The following MEMO1 variants were observed in gnomAD, a reference collection of about 807,000 sequenced individuals.
MEMO1 encodes the protein mediator of cell motility 1.
In MEMO1, 6 loss-of-function variants were observed where a neutral mutation model predicts 45.2. The ratio of observed to expected loss-of-function variants is 0.13; its 90% CI spans 0.07 to 0.26. The LOEUF is 0.26. MEMO1 is among the 10% of genes least tolerant of loss of function. MEMO1 has a pLI of 1.00. For missense variants in MEMO1, 184 were observed against 370.5 expected, an observed-to-expected ratio of 0.50 and a Z score of 4.13; for synonymous variants, 78 against 124.3, an observed-to-expected ratio of 0.63 and a Z score of 2.48.
chr2:32,002,494 G>C lies in MEMO1; in HGVS notation c.61+7693C>G, dbSNP rs1163852588. Among the ~76,000 whole-genome samples, 4 of 151,780 alleles carry C rather than the reference G, an allele frequency of 2.6e-5. No individual in the cohort carries two copies. The South Asian group carries it at 8.3e-4, about 32-fold the overall frequency. On this transcript the variant is annotated intron_variant, in intron 2 of 9. Coordinates refer to ENST00000404530, the MANE Select transcript of MEMO1 (RefSeq NM_001301833.4). ...ACTGCAGTTTGGGGAAAATGAAGTA[G>C]GATAAAGTAAGTTCAGTGTTTCGGG...
At chr2:31,941,641 G>A (rs977192740) in intron 3 of MEMO1, among the ~76,000 whole-genome samples, 1 of 152,206 alleles carries the variant, frequency 6.6e-6, no homozygotes, top group East Asian at 1.9e-4. Context: ...GTCATTTGCT[G>A]TAAGTTTTAT....
At chr2:31,921,906 A>G (rs1682369471) in intron 4 of MEMO1, among the ~76,000 whole-genome samples, 1 of 152,132 alleles carries the variant, frequency 6.6e-6, no homozygotes, top group South Asian at 2.1e-4. Flanking sequence ...GTGTAGCTTA[A>G]ATCTTTACAA....
intron 8 of MEMO1, among the ~76,000 whole-genome samples, chr2:31,875,955 G>C (rs955315594): frequency 1.3e-5 from 2 of 152,044 alleles, no homozygotes; most frequent in Non-Finnish European, 2.9e-5. Flanking sequence ...CCAAACTGCT[G>C]GGATTACAGG....
At chr2:31,885,729 A>G (rs143627327) in intron 7 of MEMO1, among the ~76,000 whole-genome samples, 2 of 152,322 alleles carry the variant, frequency 1.3e-5, no homozygotes, top group East Asian at 3.9e-4. Flanking sequence ...TGCTTCTGGA[A>G]ATAGCTGTTA....
intron 6 of MEMO1, among the ~76,000 whole-genome samples, chr2:31,911,774 G>A (rs1680602893): frequency 6.6e-6 from 1 of 152,062 alleles, no homozygotes; most frequent in Non-Finnish European, 1.5e-5. Context: ...CCAAGTAGCT[G>A]GGACCACAGG....
chr2:31,949,811 C>G (rs1666624863), intron 2 of MEMO1, among the ~76,000 whole-genome samples: 2 of 152,178 alleles, frequency 1.3e-5, no homozygotes, highest in South Asian at 2.1e-4. Context: ...ATACCCCATT[C>G]CCTTGCAACT....
At chr2:31,940,627 C>T (rs1041780450) in intron 3 of MEMO1, among the ~76,000 whole-genome samples, 2 of 152,198 alleles carry the variant, frequency 1.3e-5, no homozygotes, top group African/African-American at 4.8e-5. Context: ...TCACTGTAGC[C>T]TCCCCCTGGG....
intron 2 of MEMO1, among the ~76,000 whole-genome samples, chr2:31,953,913 A>C (rs1667124437): frequency 6.6e-6 from 1 of 152,210 alleles, no homozygotes; most frequent in Non-Finnish European, 1.5e-5. Flanking sequence ...ATTTGCTAAA[A>C]TTAAAATCTA....
intron 2 of MEMO1, chr2:31,963,418 C>A: frequency 1.1e-6 from 1 of 871,244 alleles, no homozygotes; most frequent in Non-Finnish European, 1.5e-6. Flanking sequence ...GCTAAAATAT[C>A]TATGACAGGT....
intron 2 of MEMO1, among the ~76,000 whole-genome samples, chr2:31,963,497 T>C (rs1558536749): frequency 6.6e-6 from 1 of 152,152 alleles, no homozygotes; most frequent in Non-Finnish European, 1.5e-5. Context: ...GGAAAACTGG[T>C]AAATAAAAGA....
intron 2 of MEMO1, among the ~76,000 whole-genome samples, chr2:31,953,672 GTCTTGAAC>G (rs1667099932): frequency 6.6e-6 from 1 of 151,906 alleles, no homozygotes; most frequent in African/African-American, 2.4e-5. Context: ...GCTCAGGCTG[GTCTTGAAC>G]TCCTGACCTC....
chr2:31,945,123 T>C (rs527881851), intron 2 of MEMO1, among the ~76,000 whole-genome samples: 1 of 152,320 alleles, frequency 6.6e-6, no homozygotes, highest in South Asian at 2.1e-4. Flanking sequence ...TCAAATGTTG[T>C]ATCAATATAC....
chr2:31,990,845 A>G (rs1239155827), intron 2 of MEMO1, among the ~76,000 whole-genome samples: 1 of 152,166 alleles, frequency 6.6e-6, no homozygotes, highest in East Asian at 1.9e-4. Flanking sequence ...GACTGACAAG[A>G]GACTAACACA....
chr2:31,874,805 A>G (rs1397718777), intron 8 of MEMO1, among the ~76,000 whole-genome samples: 1 of 151,928 alleles, frequency 6.6e-6, no homozygotes, highest in Non-Finnish European at 1.5e-5. Flanking sequence ...AATGATTTAA[A>G]TTATTTATAA....
At chr2:31,962,202 C>T (rs1170290116) in intron 2 of MEMO1, among the ~76,000 whole-genome samples, 1 of 152,034 alleles carries the variant, frequency 6.6e-6, no homozygotes, top group Admixed American at 6.6e-5. Flanking sequence ...CTGGGCAACA[C>T]AGTGGTGAAA....
At chr2:31,926,376 GA>G (rs35245442) in intron 4 of MEMO1, among the ~76,000 whole-genome samples, 96,987 of 120,184 alleles carry the variant, frequency 0.81, 38,138 homozygotes, top group East Asian at 0.88. Context: ...TCTCAAAAGG[GA>G]AAAAAAAAAA....
rs1026756208 is a variant in MEMO1 at position 31,875,716 on chromosome 2, C to T, written c.658-5764G>A. On this transcript the variant is annotated intron_variant, in intron 8 of 9. Transcript: ENST00000404530. The stretch of plus-strand genomic sequence containing the variant: ...TTTTTTTCTTTTTGAGACAGAGTCT[C>T]AGCTCTGTCCCCAGAGCTGGAGTGC... 5.3e-5 allele frequency among the ~76,000 whole-genome samples: 8 copies of T among 152,054 alleles called. No individual in the cohort carries two copies. The South Asian group carries it at 1.5e-3, about 28-fold the overall frequency.
At chr2:31,895,138 C>T (rs1677560479) in intron 6 of MEMO1, among the ~76,000 whole-genome samples, 1 of 152,110 alleles carries the variant, frequency 6.6e-6, no homozygotes, top group Non-Finnish European at 1.5e-5. Context: ...TAAATACAAC[C>T]TGCAAGGGAA....
intron 2 of MEMO1, among the ~76,000 whole-genome samples, chr2:31,944,634 G>T (rs1665989133): frequency 6.6e-6 from 1 of 152,006 alleles, no homozygotes; most frequent in Admixed American, 6.6e-5. Flanking sequence ...CAAGGATTCT[G>T]CTCCCATAAC....
Sources: allele counts gnomAD v4.1 joint callset (sites outside exome capture counted in the v4.1 genomes callset), GRCh38; gene constraint gnomAD v4.1.1; transcripts MANE v1.5; gene names NCBI Gene and HGNC (gene_info 2026-07-23, HGNC 2026-07-21).